The following FAF1 variants were observed in gnomAD, a reference collection of about 807,000 sequenced individuals.
FAF1 encodes the protein Fas associated factor 1.
A neutral mutation model predicts 92.5 loss-of-function variants in FAF1; 25 were observed. That is an observed-to-expected ratio of 0.27 (90% confidence interval 0.20 to 0.38). FAF1 has a LOEUF of 0.38. Among genes scored for constraint, FAF1 ranks in the 10% least tolerant of loss-of-function variants. The probability of loss-of-function intolerance (pLI) is 1.00; values close to 1 mark genes in which losing one functional copy is unlikely to be tolerated. For missense variants in FAF1, 636 were observed against 793.3 expected (o/e 0.80, Z 2.38); for synonymous variants, 234 against 273.2 (o/e 0.86, Z 1.42).
intron 1 of FAF1, among the ~76,000 whole-genome samples, chr1:50,917,040 C>G (rs560934471): frequency 7.9e-5 from 12 of 152,082 alleles, no homozygotes; most frequent in Non-Finnish European, 1.6e-4. Context: ...AGAGAATCAG[C>G]TATCAAAAAA....
At position 50,440,014 on chromosome 1, in the gene FAF1, A is replaced by G. The variant is rs1646153591; in HGVS notation, c.*1426T>C. On this transcript the variant is annotated 3_prime_UTR_variant, in exon 19 of 19. Transcript: ENST00000396153. Reference sequence around the variant, plus strand: ...CAACATCCACTTCTGGGCAGAAGGAAAATGAGCAGACCTATCTCCAGCTTT... The same window carrying G: ...CAACATCCACTTCTGGGCAGAAGGAGAATGAGCAGACCTATCTCCAGCTTT... 6.6e-6 allele frequency: 1 copy of G among 152,220 alleles called. No homozygotes were observed. Among genetic ancestry groups the G allele is most frequent in the Non-Finnish European group, 1.5e-5 (1 of 68,044 alleles). 9.4% of individuals were successfully genotyped at this position (152,220 alleles called of 1,614,324 possible).
rs568365983 is a variant in FAF1, at chr1:50,672,236, G to A, written c.658-16708C>T. Among the ~76,000 whole-genome samples, 197 of 151,960 alleles carry A rather than the reference G, an allele frequency of 1.3e-3. No homozygotes were observed. In the South Asian group the frequency reaches 0.016, roughly 12 times the overall value. On this transcript the variant is annotated intron_variant, in intron 7 of 18. Transcript: ENST00000396153. ...ATTTTTTTGTATTTTTAGTAGAGAC[G>A]GGGTTTATCTTGGCCAGGCTGGTCT...
chr1:50,758,333 C>G (rs1398407151), intron 4 of FAF1, among the ~76,000 whole-genome samples: 1 of 152,206 alleles, frequency 6.6e-6, no homozygotes, highest in African/African-American at 2.4e-5. Flanking sequence ...GGATTAAAGG[C>G]ATAAGCCACC....
chr1:50,910,226 C>T (rs1644873627), intron 1 of FAF1, among the ~76,000 whole-genome samples: 1 of 152,178 alleles, frequency 6.6e-6, no homozygotes, highest in Non-Finnish European at 1.5e-5. Flanking sequence ...ATGTTGCTGC[C>T]TTATCCTTCC....
chr1:50,753,789 G>A (rs1160030667), intron 4 of FAF1, among the ~76,000 whole-genome samples: 2 of 137,866 alleles, frequency 1.5e-5, no homozygotes, highest in African/African-American at 2.8e-5. Context: ...ACATAGTCTC[G>A]CTTAGTAGCC....
intron 2 of FAF1, among the ~76,000 whole-genome samples, chr1:50,837,980 T>A (rs891156054): frequency 6.6e-6 from 1 of 152,140 alleles, no homozygotes; most frequent in Admixed American, 6.5e-5. Context: ...CCTGACCTTG[T>A]GATCGGCCCG....
At chr1:50,905,694 C>G (rs1644832070) in intron 1 of FAF1, among the ~76,000 whole-genome samples, 1 of 152,202 alleles carries the variant, frequency 6.6e-6, no homozygotes, top group Non-Finnish European at 1.5e-5. Context: ...TGAGAAGTGT[C>G]TGTTAATATC....
intron 15 of FAF1, among the ~76,000 whole-genome samples, chr1:50,497,706 G>A (rs1173195381): frequency 6.6e-6 from 1 of 151,744 alleles, no homozygotes; most frequent in African/African-American, 2.4e-5. Context: ...ATGCCACCAT[G>A]CCCGGCTAAT....
At chr1:50,837,476 T>C (rs1017000776) in intron 2 of FAF1, among the ~76,000 whole-genome samples, 1 of 152,194 alleles carries the variant, frequency 6.6e-6, no homozygotes, top group Non-Finnish European at 1.5e-5. Context: ...AGTTAAATAT[T>C]TTTGGCAAGA....
At chr1:50,544,983 T>C (rs1380249600) in intron 13 of FAF1, among the ~76,000 whole-genome samples, 1 of 151,776 alleles carries the variant, frequency 6.6e-6, no homozygotes, top group Non-Finnish European at 1.5e-5. Context: ...AAGACAAAAA[T>C]TGATGAGTTT....
intron 6 of FAF1, among the ~76,000 whole-genome samples, chr1:50,724,352 A>G (rs990384765): frequency 6.7e-6 from 1 of 149,188 alleles, no homozygotes; most frequent in South Asian, 2.1e-4. Context: ...GGATGCATGC[A>G]CCTCTTTGCT....
At chr1:50,846,715 C>A in intron 2 of FAF1, 1 of 624,626 alleles carries the variant, frequency 1.6e-6, no homozygotes, top group Non-Finnish European at 3.0e-6. Flanking sequence ...AGCACTTCTC[C>A]AAACGTAGAT....
intron 2 of FAF1, among the ~76,000 whole-genome samples, chr1:50,804,449 G>C (rs1027910249): frequency 2.0e-5 from 3 of 152,070 alleles, no homozygotes; most frequent in Non-Finnish European, 4.4e-5. Flanking sequence ...GTAAAGGACA[G>C]ACAGGAGGAA....
chr1:50,822,758 C>T (rs1314794735), intron 2 of FAF1, among the ~76,000 whole-genome samples: 1 of 143,532 alleles, frequency 7.0e-6, no homozygotes, highest in Non-Finnish European at 1.5e-5. Context: ...TTCTTTCTTT[C>T]TTTCTTTCTT....
intron 7 of FAF1, among the ~76,000 whole-genome samples, chr1:50,700,381 A>G (rs2124414080): frequency 6.6e-6 from 1 of 152,194 alleles, no homozygotes; most frequent in South Asian, 2.1e-4. Flanking sequence ...ATTCTAGTAA[A>G]GCACTTAAAG....
intron 15 of FAF1, among the ~76,000 whole-genome samples, chr1:50,514,952 C>G (rs1293727245): frequency 6.6e-6 from 1 of 152,134 alleles, no homozygotes; most frequent in African/African-American, 2.4e-5. Flanking sequence ...ATCCGGTCAT[C>G]ACTAACTCAC....
chr1:50,573,865 C>T (rs772199987), intron 12 of FAF1, among the ~76,000 whole-genome samples: 3 of 151,740 alleles, frequency 2.0e-5, no homozygotes, highest in Admixed American at 6.6e-5. Flanking sequence ...CAGTGGTTCA[C>T]GCCTGTAATT....
chr1:50,675,829 A>G (rs528279274), intron 7 of FAF1, among the ~76,000 whole-genome samples: 1 of 152,284 alleles, frequency 6.6e-6, no homozygotes, highest in South Asian at 2.1e-4. Context: ...TTATAATGAT[A>G]AAGATATCAA....
chr1:50,533,561 T>C (rs1414621943), intron 15 of FAF1, among the ~76,000 whole-genome samples: 1 of 152,190 alleles, frequency 6.6e-6, no homozygotes, highest in East Asian at 1.9e-4. Context: ...TTTAATGTAA[T>C]ACAGCGATAA....
Sources: allele counts gnomAD v4.1 joint callset (sites outside exome capture counted in the v4.1 genomes callset), GRCh38; gene constraint gnomAD v4.1.1; transcripts MANE v1.5; gene names NCBI Gene and HGNC (gene_info 2026-07-23, HGNC 2026-07-21).